Variants in IL1RAPL2 observed in about 807,000 individuals in gnomAD.
IL1RAPL2 encodes interleukin 1 receptor accessory protein like 2.
In IL1RAPL2, 3 loss-of-function variants were observed where a neutral mutation model predicts 44.1. That is an observed-to-expected ratio of 0.07 (90% CI 0.03 to 0.18). IL1RAPL2 has a LOEUF of 0.18. Among genes scored for constraint, IL1RAPL2 ranks in the 10% least tolerant of loss-of-function variants. The pLI, the probability that IL1RAPL2 is intolerant of heterozygous loss-of-function variation, is 1.00. For synonymous variants in IL1RAPL2, 181 were observed against 178.8 expected (o/e 1.01, Z -0.10); for missense variants, 391 against 496.4 (o/e 0.79, Z 2.02).
chrX:105,370,414 C>G (rs2035329012), intron 5 of IL1RAPL2, among the ~76,000 whole-genome samples: 3 of 111,171 alleles, frequency 2.7e-5, no homozygotes, highest in African/African-American at 9.8e-5. Flanking sequence ...GTCTATTGTT[C>G]CCTTTTTTTG....
intron 5 of IL1RAPL2, among the ~76,000 whole-genome samples, chrX:105,355,592 T>C (rs1041353603): frequency 3.6e-5 from 4 of 111,878 alleles, no homozygotes; most frequent in African/African-American, 1.3e-4. Flanking sequence ...ATGGATCATC[T>C]TTATGTTGCT....
chrX:104,725,580 C>T (rs1931772905), intron 2 of IL1RAPL2, among the ~76,000 whole-genome samples: 1 of 112,043 alleles, frequency 8.9e-6, no homozygotes, highest in East Asian at 2.8e-4. Flanking sequence ...GCCATTCTAA[C>T]TGGTGTGAGA....
intron 6 of IL1RAPL2, among the ~76,000 whole-genome samples, chrX:105,616,095 G>A (rs1364114084): frequency 8.9e-6 from 1 of 112,182 alleles, no homozygotes; most frequent in East Asian, 2.8e-4. Context: ...GTTGATAACA[G>A]TACTGCAATC....
chrX:105,466,982 C>T (rs975789044), intron 5 of IL1RAPL2, among the ~76,000 whole-genome samples: 3 of 110,605 alleles, frequency 2.7e-5, no homozygotes, highest in Admixed American at 1.9e-4. Context: ...AATTCACTGT[C>T]TTAAGCCATT....
chrX:104,851,447 G>T (rs984891850), intron 2 of IL1RAPL2, among the ~76,000 whole-genome samples: 1 of 111,772 alleles, frequency 8.9e-6, no homozygotes, highest in Non-Finnish European at 1.9e-5. Flanking sequence ...GGTCCCAGAA[G>T]GGATGTAAGA....
chrX:105,406,404 G>T, intron 5 of IL1RAPL2: 1 of 1,075,394 alleles, frequency 9.3e-7, no homozygotes, highest in Admixed American at 2.2e-5. Context: ...AGATTTTTTG[G>T]TATTGTCTCA....
At chrX:105,501,598 T>C (rs936645551) in intron 6 of IL1RAPL2, among the ~76,000 whole-genome samples, 4 of 110,898 alleles carry the variant, frequency 3.6e-5, no homozygotes, top group Non-Finnish European at 5.7e-5. Context: ...CAATCCAGCC[T>C]AGATGACGAA....
At chrX:105,419,375 G>A (rs2035757917) in intron 5 of IL1RAPL2, among the ~76,000 whole-genome samples, 1 of 111,382 alleles carries the variant, frequency 9.0e-6, no homozygotes, top group African/African-American at 3.3e-5. Context: ...GTAGCATTCG[G>A]TATAATAAGT....
intron 5 of IL1RAPL2, among the ~76,000 whole-genome samples, chrX:105,386,809 T>C (rs1303363824): frequency 8.9e-6 from 1 of 111,928 alleles, no homozygotes; most frequent in Non-Finnish European, 1.9e-5. Context: ...TGTGTTCATA[T>C]AATGAATGTG....
At chrX:104,897,001 A>G (rs1429915139) in intron 2 of IL1RAPL2, among the ~76,000 whole-genome samples, 1 of 111,768 alleles carries the variant, frequency 8.9e-6, no homozygotes, top group Non-Finnish European at 1.9e-5. Flanking sequence ...GACACATCTG[A>G]ACATCTGAAG....
At chrX:105,646,643 C>T (rs772129509) in intron 6 of IL1RAPL2, among the ~76,000 whole-genome samples, 1 of 111,727 alleles carries the variant, frequency 9.0e-6, no homozygotes, top group African/African-American at 3.3e-5. Context: ...GTTAGTACAA[C>T]GTGGATAAGT....
intron 2 of IL1RAPL2, among the ~76,000 whole-genome samples, chrX:104,955,083 C>T (rs1437267588): frequency 2.7e-5 from 3 of 111,755 alleles, no homozygotes; most frequent in Non-Finnish European, 5.6e-5. Context: ...TGGGTGTTGC[C>T]ATGGTAATGG....
At chrX:105,544,189 T>G (rs1275776230) in intron 6 of IL1RAPL2, among the ~76,000 whole-genome samples, 1 of 112,103 alleles carries the variant, frequency 8.9e-6, no homozygotes, top group Non-Finnish European at 1.9e-5. Flanking sequence ...TGGAATTGTT[T>G]TCTTAATTTT....
At chrX:104,780,793 A>G (rs1036637687) in intron 2 of IL1RAPL2, among the ~76,000 whole-genome samples, 16 of 111,711 alleles carry the variant, frequency 1.4e-4, no homozygotes, top group African/African-American at 4.6e-4. Context: ...TTTATCTTCC[A>G]GGTATTTTGG....
intron 5 of IL1RAPL2, among the ~76,000 whole-genome samples, chrX:105,350,951 A>C (rs1194338065): frequency 8.9e-6 from 1 of 112,026 alleles, no homozygotes; most frequent in Non-Finnish European, 1.9e-5. Flanking sequence ...ACCCCATCAA[A>C]AAGTTGCCGA....
chrX:105,435,516 A>G (rs747174650), intron 5 of IL1RAPL2, among the ~76,000 whole-genome samples: 5 of 111,887 alleles, frequency 4.5e-5, no homozygotes, highest in Admixed American at 9.5e-5. Flanking sequence ...CAGCAATCCC[A>G]TTTGACCCAG....
At chrX:104,759,438 T>C (rs1344741335) in intron 2 of IL1RAPL2, among the ~76,000 whole-genome samples, 1 of 111,895 alleles carries the variant, frequency 8.9e-6, no homozygotes, top group Non-Finnish European at 1.9e-5. Context: ...CCTATGGAAT[T>C]AGGATAATAC....
chrX:104,585,677 T>C (rs1245988845), intron 1 of IL1RAPL2, among the ~76,000 whole-genome samples: 1 of 106,056 alleles, frequency 9.4e-6, no homozygotes, highest in Non-Finnish European at 1.9e-5. Flanking sequence ...CTCCTACTTA[T>C]AAGTGAAAAC....
chrX:104,613,634 TG>T (rs1430693661), intron 1 of IL1RAPL2, among the ~76,000 whole-genome samples: 1 of 110,503 alleles, frequency 9.0e-6, no homozygotes. Flanking sequence ...TTTTTGTTGT[TG>T]TTGTTGTGCC....
Sources: gnomAD v4.1 joint callset for allele counts (sites outside exome capture counted in the v4.1 genomes callset) on GRCh38, gnomAD v4.1.1 for gene constraint, MANE v1.5 for transcripts, NCBI Gene and HGNC (gene_info 2026-07-23, HGNC 2026-07-21) for gene names.